The following PARD3 variants were observed in gnomAD, a reference collection of about 807,000 sequenced individuals.
PARD3 encodes the protein par-3 family cell polarity regulator.
PARD3 carries 75 observed loss-of-function variants against 155.4 expected under a neutral mutation model. The observed-to-expected ratio is 0.48, with a 90% CI of 0.40 to 0.58. PARD3 has a LOEUF of 0.58. PARD3 is among the 20% of genes least tolerant of loss of function. The probability of loss-of-function intolerance (pLI) is 0.00; values close to 1 mark genes in which losing one functional copy is unlikely to be tolerated. For synonymous variants in PARD3, 576 were observed against 610.5 expected (o/e 0.94, Z 0.83); for missense variants, 1,642 against 1,721.7 (o/e 0.95, Z 0.82).
At chr10:34,778,579 G>A (rs1010841694) in intron 1 of PARD3, among the ~76,000 whole-genome samples, 2 of 152,058 alleles carry the variant, frequency 1.3e-5, no homozygotes, top group African/African-American at 4.8e-5. Context: ...GGTGCCAAGT[G>A]CATGGCCACA....
In PARD3 at chr10:34,269,842, A is replaced by G; in HGVS notation, c.3234T>C (p.Ala1078=). Residue 1078 remains alanine (A), a synonymous_variant, in exon 22 of 25, where the codon GCT becomes GCC. Coordinates refer to ENST00000374788, the MANE Select transcript of PARD3 (RefSeq NM_001184785.2). The part of the protein sequence containing the change: ...RERQARERDY[A]EIQDFHRTFG... ...ATGTCCGATGAAAATCTTGAATTTCAGCATAGTCACGCTCTCGAGCTTGTC... is the reference window on the plus strand; with the variant it reads ...ATGTCCGATGAAAATCTTGAATTTCGGCATAGTCACGCTCTCGAGCTTGTC... The G allele has an allele frequency of 6.2e-7, 1 of 1,613,960 alleles. No homozygotes were observed. The highest frequency in any genetic ancestry group is 8.5e-7 in the Non-Finnish European group (1 of 1,179,928).
At chr10:34,273,859 A>G (rs1308878284) in intron 21 of PARD3, among the ~76,000 whole-genome samples, 1 of 152,096 alleles carries the variant, frequency 6.6e-6, no homozygotes, top group East Asian at 1.9e-4. Flanking sequence ...AGGGGATCAA[A>G]TCTGTCTGAC....
intron 22 of PARD3, among the ~76,000 whole-genome samples, chr10:34,225,560 G>T (rs1952552670): frequency 6.6e-6 from 1 of 152,110 alleles, no homozygotes; most frequent in African/African-American, 2.4e-5. Flanking sequence ...TGGCCAGGCT[G>T]GTCTTGAACT....
intron 5 of PARD3, among the ~76,000 whole-genome samples, chr10:34,406,281 T>G (rs957702026): frequency 6.6e-6 from 1 of 152,232 alleles, no homozygotes; most frequent in Non-Finnish European, 1.5e-5. Flanking sequence ...AAAAGAAATT[T>G]TGAGACTTGC....
chr10:34,686,518 C>T (rs2093956464), intron 2 of PARD3, among the ~76,000 whole-genome samples: 1 of 151,208 alleles, frequency 6.6e-6, no homozygotes, highest in African/African-American at 2.4e-5. Flanking sequence ...GGTGGATGAA[C>T]TGAGATCAGG....
chr10:34,239,419 A>G (rs1631551), intron 22 of PARD3, among the ~76,000 whole-genome samples: 63,617 of 152,090 alleles, frequency 0.42, 14,533 homozygotes, highest in African/African-American at 0.61. Context: ...AGAGGCAGAC[A>G]CAGACTGAGA....
intron 2 of PARD3, among the ~76,000 whole-genome samples, chr10:34,683,335 A>T (rs924397561): frequency 6.6e-6 from 1 of 152,004 alleles, no homozygotes; most frequent in Non-Finnish European, 1.5e-5. Context: ...AAATCCCATC[A>T]TCACCCAATA....
chr10:34,447,074 G>A (rs888918171), intron 5 of PARD3, among the ~76,000 whole-genome samples: 3 of 152,172 alleles, frequency 2.0e-5, no homozygotes, highest in East Asian at 1.9e-4. Flanking sequence ...AAACAAACAC[G>A]TGGCTTTTTA....
intron 3 of PARD3, among the ~76,000 whole-genome samples, chr10:34,484,036 T>G (rs2804722): frequency 0.52 from 78,394 of 152,152 alleles, 23,811 homozygotes; most frequent in African/African-American, 0.86. Context: ...ATGCTAGACA[T>G]CATGTTGGTA....
At chr10:34,761,666 G>T (rs1271536452) in intron 1 of PARD3, among the ~76,000 whole-genome samples, 1 of 152,108 alleles carries the variant, frequency 6.6e-6, no homozygotes, top group Admixed American at 6.5e-5. Flanking sequence ...TGATTAAAAT[G>T]AGCAGATTAC....
chr10:34,135,757 GTA>G (rs753743518), intron 22 of PARD3, among the ~76,000 whole-genome samples: 28 of 152,200 alleles, frequency 1.8e-4, no homozygotes, highest in Non-Finnish European at 3.8e-4. Context: ...TATGCACTGT[GTA>G]TATGAGAACC....
chr10:34,586,645 C>G (rs1187195001), intron 2 of PARD3, among the ~76,000 whole-genome samples: 1 of 152,176 alleles, frequency 6.6e-6, no homozygotes, highest in Non-Finnish European at 1.5e-5. Flanking sequence ...CTAGATGATT[C>G]TAAGCATTAA....
intron 24 of PARD3, 75 bp from the exon 25 acceptor site, chr10:34,111,637 A>G: frequency 8.4e-7 from 1 of 1,195,600 alleles, no homozygotes; most frequent in Non-Finnish European, 1.2e-6. Context: ...GCAGGATGGG[A>G]TGGAATATGC....
intron 1 of PARD3, among the ~76,000 whole-genome samples, chr10:34,783,098 T>C (rs1564615123): frequency 6.6e-6 from 1 of 152,162 alleles, no homozygotes; most frequent in Non-Finnish European, 1.5e-5. Context: ...AAGATTTAGT[T>C]GAGTCAAGTT....
At chr10:34,257,054 C>T (rs1218981190) in intron 22 of PARD3, among the ~76,000 whole-genome samples, 1 of 151,884 alleles carries the variant, frequency 6.6e-6, no homozygotes, top group East Asian at 1.9e-4. Flanking sequence ...CAAAATCAAC[C>T]AATTGGGGAA....
intron 4 of PARD3, among the ~76,000 whole-genome samples, chr10:34,459,987 T>C (rs974264606): frequency 1.3e-5 from 2 of 152,210 alleles, no homozygotes; most frequent in Admixed American, 6.5e-5. Context: ...CCACAGATAC[T>C]TTTTATCTTA....
chr10:34,478,527 G>T (rs1396505955), intron 3 of PARD3, among the ~76,000 whole-genome samples: 1 of 152,150 alleles, frequency 6.6e-6, no homozygotes, highest in African/African-American at 2.4e-5. Context: ...GGAAAATAAA[G>T]TCAAGGGGAA....
intron 2 of PARD3, among the ~76,000 whole-genome samples, chr10:34,562,510 A>G (rs986726574): frequency 6.6e-6 from 1 of 152,148 alleles, no homozygotes; most frequent in Non-Finnish European, 1.5e-5. Context: ...CATCAGCAGC[A>G]CCGAGCTCAC....
chr10:34,346,510 GCA>G, intron 15 of PARD3: 1 of 1,326,032 alleles, frequency 7.5e-7, no homozygotes. Flanking sequence ...AGGGACACAT[GCA>G]CACTCTCTCT....
Sources: allele counts gnomAD v4.1 joint callset (sites outside exome capture counted in the v4.1 genomes callset), GRCh38; gene constraint gnomAD v4.1.1; transcripts MANE v1.5; gene names NCBI Gene and HGNC (gene_info 2026-07-23, HGNC 2026-07-21).